Variants in NSD3 observed in about 807,000 individuals in gnomAD.
The protein encoded by NSD3 is histone-lysine N-methyltransferase NSD3.
Under a neutral mutation model 160.8 loss-of-function variants are expected in NSD3, and 24 were observed. The observed-to-expected ratio is 0.15, with a 90% CI of 0.11 to 0.21. The LOEUF is 0.21. Ranked by LOEUF, NSD3 falls within the 10% of genes least tolerant of loss-of-function variation. The probability of loss-of-function intolerance (pLI) is 1.00; values close to 1 mark genes in which losing one functional copy is unlikely to be tolerated. For missense variants in NSD3, 1,157 were observed against 1,735.9 expected (o/e 0.67, Z 5.93); for synonymous variants, 520 against 600.0 (o/e 0.87, Z 1.95).
At chr8:38,281,652 G>T in intron 19 of NSD3, 69 bp from the exon 20 acceptor site, 1 of 908,266 alleles carries the variant, frequency 1.1e-6, no homozygotes, top group Non-Finnish European at 1.6e-6. Context: ...AATGACACAT[G>T]TATAACCCAA....
At position 38,299,560 on chromosome 8, in the gene NSD3, A is replaced by G. The variant is rs779746727; in HGVS notation, c.2642T>C (p.Met881Thr). 1.2e-6 allele frequency: 2 copies of G among 1,613,052 alleles called. No individual in the cohort carries two copies. The highest frequency in any genetic ancestry group is 1.7e-5 in the Admixed American group (1 of 59,872). The change falls in exon 15 of 24, where the codon ATG becomes ACG. Residue 881 changes from methionine (M) to threonine (T), a missense_variant. By Grantham distance (81) the Met-to-Thr change is moderately conservative. This residue lies in a region of NSD3 where 437 missense variants were observed against 576.6 expected (regional missense o/e 0.76). Transcript: ENST00000317025. ...GLIVQDHSDP[M>T]FSSYAYKSHY... Reference sequence around the variant, plus strand: ...GGACTTATAGGCATATGAACTGAACATGGGGTCTGAATGGTCCTGAACTAT... The same window carrying G: ...GGACTTATAGGCATATGAACTGAACGTGGGGTCTGAATGGTCCTGAACTAT...
chr8:38,313,906 G>A (rs1019612013), intron 12 of NSD3, among the ~76,000 whole-genome samples: 2 of 151,992 alleles, frequency 1.3e-5, no homozygotes, highest in Non-Finnish European at 2.9e-5. Context: ...AAAAGAAGGA[G>A]TAGAAAAATA....
intron 1 of NSD3, among the ~76,000 whole-genome samples, chr8:38,377,438 C>T (rs1238652901): frequency 1.3e-5 from 2 of 152,138 alleles, no homozygotes; most frequent in Non-Finnish European, 2.9e-5. Context: ...GGCTTTCCCC[C>T]TCGGGGTTCA....
Position 38,276,333 on chromosome 8 carries a change from G to A in NSD3, c.4035C>T (p.Tyr1345=), listed in dbSNP as rs774384467. ...MCDKKDCPKA[Y]HLLCLNLTQP... ...GAGTCAGGTTAAGGCATAGGAGGTG[G>A]TATGCTTTGGGACAGTCTTTTTTGT... The change falls in exon 23 of 24, where the codon TAC becomes TAT. Residue 1345 remains tyrosine (Y), a synonymous_variant. Coordinates refer to ENST00000317025, the MANE Select transcript of NSD3 (RefSeq NM_023034.2). 7 of 1,614,188 alleles carry A rather than the reference G, an allele frequency of 4.3e-6. No individual in the cohort carries two copies. In the Middle Eastern group the frequency reaches 4.9e-4, roughly 114 times the overall value.
chr8:38,296,483 G>A (rs1809147677), intron 15 of NSD3, among the ~76,000 whole-genome samples: 1 of 152,044 alleles, frequency 6.6e-6, no homozygotes, highest in Non-Finnish European at 1.5e-5. Flanking sequence ...AATACAAAAA[G>A]CAAAAGGAAC....
intron 1 of NSD3, among the ~76,000 whole-genome samples, chr8:38,355,143 G>A (rs1810792294): frequency 1.3e-5 from 2 of 152,080 alleles, no homozygotes; most frequent in South Asian, 4.1e-4. Flanking sequence ...TGCAGGTTCA[G>A]AATCAAACTA....
At chr8:38,306,163 A>G (rs1326262691) in intron 12 of NSD3, among the ~76,000 whole-genome samples, 1 of 152,146 alleles carries the variant, frequency 6.6e-6, no homozygotes, top group Non-Finnish European at 1.5e-5. Flanking sequence ...CTCTGGTAAG[A>G]ATAATAAAAA....
At chr8:38,364,900 A>T (rs1287113682) in intron 1 of NSD3, among the ~76,000 whole-genome samples, 1 of 152,242 alleles carries the variant, frequency 6.6e-6, no homozygotes, top group Non-Finnish European at 1.5e-5. Context: ...TTTTGTAAAG[A>T]TAAATAATGT....
intron 1 of NSD3, among the ~76,000 whole-genome samples, chr8:38,357,858 T>C (rs902419608): frequency 6.6e-6 from 1 of 152,196 alleles, no homozygotes; most frequent in Middle Eastern, 3.4e-3. Context: ...TGCATGGAGG[T>C]AGTAACAGAA....
At chr8:38,280,074 G>T in intron 20 of NSD3, 1 of 166,348 alleles carries the variant, frequency 6.0e-6, no homozygotes, top group Admixed American at 5.9e-5. Flanking sequence ...AGCAAAACTA[G>T]TATAGGAGGG....
chr8:38,303,232 T>C (rs1285144054), intron 14 of NSD3: 11 of 985,052 alleles, frequency 1.1e-5, no homozygotes, highest in Non-Finnish European at 1.2e-5. Flanking sequence ...AATACAATAA[T>C]TTTTTCTTCT....
chr8:38,284,634 G>A (rs1808815677), intron 19 of NSD3, among the ~76,000 whole-genome samples: 1 of 152,112 alleles, frequency 6.6e-6, no homozygotes, highest in Non-Finnish European at 1.5e-5. Context: ...TGATCCACCT[G>A]CCTCAACCTC....
chr8:38,276,189 G>C, intron 23 of NSD3, 107 bp downstream of exon 23: 1 of 1,298,984 alleles, frequency 7.7e-7, no homozygotes, highest in Non-Finnish European at 1.1e-6. Flanking sequence ...TTTCGCTATT[G>C]TTTGTTCTAT....
rs1393941912 is a variant in NSD3 at position 38,319,780 on chromosome 8, T to G, written c.1810-840A>C. 1.3e-5 allele frequency: 2 copies of G among 152,208 alleles called. No individual in the cohort carries two copies. Among genetic ancestry groups the G allele is most frequent in the Admixed American group, 1.3e-4 (2 of 15,282 alleles). 9.4% of individuals were successfully genotyped at this position (152,208 alleles called of 1,614,324 possible). ...AAGCTTTTTAAAAAAAATTTTATTTTTTTTACAACAGGTAAAAAAACATAC... is the reference window on the plus strand; with the variant it reads ...AAGCTTTTTAAAAAAAATTTTATTTGTTTTACAACAGGTAAAAAAACATAC... On this transcript the variant is annotated intron_variant, in intron 8 of 23. Transcript: ENST00000317025. The surrounding 1 kb of genome is among the most constrained non-coding windows in gnomAD (Gnocchi z 4.1).
intron 12 of NSD3, among the ~76,000 whole-genome samples, chr8:38,308,357 C>T (rs1490803932): frequency 6.6e-6 from 1 of 151,844 alleles, no homozygotes; most frequent in Non-Finnish European, 1.5e-5. Flanking sequence ...TTTTTCACCA[C>T]ATGGTTAAGG....
In NSD3 at chr8:38,281,573, A is replaced by G; in HGVS notation, c.3512T>C (p.Val1171Ala). 1 of 1,601,418 alleles carries G rather than the reference A, an allele frequency of 6.2e-7. No individual in the cohort carries two copies. Among genetic ancestry groups the G allele is most frequent in the Non-Finnish European group, 8.5e-7 (1 of 1,174,234 alleles). The change falls in exon 20 of 24, where the codon GTA becomes GCA. Residue 1171 changes from valine to alanine, a missense_variant. By Grantham distance (64) the Val-to-Ala change is moderately conservative. Transcript: ENST00000317025. ...TKRSIKKGEF[V>A]NEYVGELIDE... ...AATTAATTCACCGACGTATTCATTT[A>G]CAAATTCACCCTGGAGATAAATGTG...
At chr8:38,334,938 T>C (rs1810175609) in intron 4 of NSD3, among the ~76,000 whole-genome samples, 1 of 151,842 alleles carries the variant, frequency 6.6e-6, no homozygotes, top group African/African-American at 2.4e-5. Context: ...AATCGGTTTT[T>C]CCAGCACTAA....
intron 1 of NSD3, among the ~76,000 whole-genome samples, chr8:38,365,768 T>C (rs1483108136): frequency 2.0e-5 from 3 of 151,940 alleles, no homozygotes; most frequent in Non-Finnish European, 2.9e-5. Context: ...AAAAAACTAA[T>C]GAAACCAAAA....
At chr8:38,299,067 T>C (rs185559933) in intron 15 of NSD3, among the ~76,000 whole-genome samples, 1 of 152,344 alleles carries the variant, frequency 6.6e-6, no homozygotes, top group East Asian at 1.9e-4. Context: ...TGAAAGTTAG[T>C]AACAAATTAT....
Sources: gnomAD v4.1 joint callset for allele counts (sites outside exome capture counted in the v4.1 genomes callset) on GRCh38, gnomAD v4.1.1 for gene constraint, gnomAD v4.1.1 regional missense constraint, Gnocchi (gnomAD v3.1) non-coding constraint, MANE v1.5 for transcripts, NCBI Gene and HGNC (gene_info 2026-07-23, HGNC 2026-07-21) for gene names.